Variants in FMNL3 observed in about 807,000 individuals in gnomAD.
FMNL3 encodes the protein formin-like protein 3.
FMNL3 carries 57 observed loss-of-function variants against 119.6 expected under a neutral mutation model. That is an observed-to-expected ratio of 0.48 (90% CI 0.39 to 0.59). The LOEUF (loss-of-function observed/expected upper bound fraction) is 0.59, where lower values mean the gene tolerates loss of function less well. FMNL3 is among the 20% of genes least tolerant of loss of function. The pLI is 0.00. For synonymous variants in FMNL3, 491 were observed against 507.3 expected (o/e 0.97, Z 0.43); for missense variants, 1,053 against 1,323.5 (o/e 0.80, Z 3.17).
In FMNL3 at chr12:49,656,957, C is replaced by T. The variant is rs1393278227; in HGVS notation, c.715-58G>A. ...GATGGTGGGGAAGGGGGAGCCCAGC[C>T]AATCTCCTTGACCGTAGGCCCACCA... is the stretch of plus-strand genomic sequence containing the variant. On this transcript the variant is annotated intron_variant, in intron 7 of 25. Coordinates refer to ENST00000335154, the MANE Select transcript of FMNL3 (RefSeq NM_175736.5). 2.1e-5 allele frequency: 32 copies of T among 1,545,292 alleles called. No individual in the cohort carries two copies. The East Asian group carries it at 6.7e-4, about 33-fold the overall frequency.
rs769095092 is a variant in FMNL3 at position 49,647,419 on chromosome 12, G to C, written c.2779-51C>G. On this transcript the variant is annotated intron_variant, in intron 23 of 25. Coordinates refer to ENST00000335154, the MANE Select transcript of FMNL3 (RefSeq NM_175736.5). The surrounding 1 kb of genome is among the most constrained non-coding windows in gnomAD (Gnocchi z 4.9). ...GGGGAGTGAGGCTCATAGGCTGTGA[G>C]GGGAGGGGCTGACACTGAGGTGGAG... 6.3e-7 allele frequency: 1 copy of C among 1,581,812 alleles called. No individual in the cohort carries two copies. The highest frequency in any genetic ancestry group is 1.1e-5 in the South Asian group (1 of 90,630).
At position 49,691,387 on chromosome 12, in the gene FMNL3, T is replaced by G. The variant is rs141860043; in HGVS notation, c.126+15668A>C. Among the ~76,000 whole-genome samples, 239 of 152,286 alleles carry G rather than the reference T, an allele frequency of 1.6e-3. 4 individuals are homozygous for G. In the East Asian group the frequency reaches 0.037, roughly 23 times the overall value. On this transcript the variant is annotated intron_variant, in intron 1 of 25. Coordinates refer to ENST00000335154, the MANE Select transcript of FMNL3 (RefSeq NM_175736.5). The stretch of plus-strand genomic sequence containing the variant: ...CCGACTTGACTTTGAGAAGCTGAGA[T>G]GCAGCACAGCCTAGAGCTCAGGTTT...
Position 49,644,053 on chromosome 12 carries a change from C to A in FMNL3, c.*1762G>T. 1 of 1,614,154 alleles carries A rather than the reference C, an allele frequency of 6.2e-7. No individual in the cohort carries two copies. The highest frequency in any genetic ancestry group is 8.5e-7 in the Non-Finnish European group (1 of 1,179,994). On this transcript the variant is annotated 3_prime_UTR_variant, in exon 26 of 26. Transcript: ENST00000335154. ...AGTCAGCACGCTGGTCAAGCTTCCA[C>A]GGCCCTTAGTGCAGGCTAAGGGTGA...
chr12:49,648,207 C>A lies in FMNL3; in HGVS notation c.2662G>T (p.Ala888Ser). The A allele has an allele frequency of 6.2e-7, 1 of 1,612,864 alleles. No homozygotes were observed. Among genetic ancestry groups the A allele is most frequent in the Non-Finnish European group, 8.5e-7 (1 of 1,179,378 alleles). The change falls in exon 22 of 26, where the codon GCC becomes TCC. Residue 888 changes from alanine (A) to serine (S), a missense_variant. Around this residue, in one of 4 missense-constraint regions of FMNL3, gnomAD observed 324 missense variants for 380.9 expected, o/e 0.85. Coordinates refer to ENST00000335154, the MANE Select transcript of FMNL3 (RefSeq NM_175736.5). ...CCCGTGCTTGCCTCAGCCGTCTTGG[C>A]GTCCCGCTGGAGCTTGTCTAGTTTG... Reference protein sequence around the residue: ...EGKLDKLQRDAKTAEEAYNAV... With the variant: ...EGKLDKLQRDSKTAEEAYNAV...
Position 49,641,643 on chromosome 12 carries a change from T to C in FMNL3, c.*4172A>G, listed in dbSNP as rs1942667380. The C allele has an allele frequency of 2.2e-6, 1 of 456,212 alleles. No homozygotes were observed. Among genetic ancestry groups the C allele is most frequent in the South Asian group, 3.6e-5 (1 of 27,980 alleles). The allele number at this position is 456,212 out of a possible 1,614,324, so 28.3% of individuals were successfully genotyped here. On this transcript the variant is annotated 3_prime_UTR_variant, in exon 26 of 26. Transcript: ENST00000335154. Reference sequence around the variant, plus strand: ...TAAGCCAAAGGAACAAAAGTTAATTTTGAGAAACTCAGCATTAATCAGCAG... The same window carrying C: ...TAAGCCAAAGGAACAAAAGTTAATTCTGAGAAACTCAGCATTAATCAGCAG...
At position 49,653,725 on chromosome 12, in the gene FMNL3, A is replaced by G. The variant is rs542023897; in HGVS notation, c.1221T>C (p.His407=). 5.2e-5 allele frequency: 84 copies of G among 1,614,032 alleles called. 1 individual carries two copies. The South Asian group carries it at 7.9e-4, about 15-fold the overall frequency. Residue 407 remains histidine, a splice_region_variant and synonymous_variant, in exon 12 of 26, where the codon CAT becomes CAC. Transcript: ENST00000335154. Reference sequence around the variant, plus strand: ...TGGCAGGCAAAGGAAGACCACCTACATGGGACACATGCTCCTCCAACTCCT... The same window carrying G: ...TGGCAGGCAAAGGAAGACCACCTACGTGGGACACATGCTCCTCCAACTCCT... The part of the protein sequence containing the change: ...KVEELEEHVS[H]LTEKLLDLEN...
chr12:49,697,644 T>C (rs1714674113), intron 1 of FMNL3, among the ~76,000 whole-genome samples: 1 of 152,204 alleles, frequency 6.6e-6, no homozygotes, highest in South Asian at 2.1e-4. Context: ...TGAAAGCTAC[T>C]TTAAATTATG....
rs534458896 is a variant in FMNL3, at chr12:49,641,154, G to A, written c.*4661C>T. 1 of 152,368 alleles carries A rather than the reference G, an allele frequency of 6.6e-6. No individual in the cohort carries two copies. The highest frequency in any genetic ancestry group is 1.9e-4 in the East Asian group (1 of 5,192). 9.4% of individuals were successfully genotyped at this position (152,368 alleles called of 1,614,324 possible). On this transcript the variant is annotated 3_prime_UTR_variant, in exon 26 of 26. Transcript: ENST00000335154. ...ACTGAGATCACTTTTCTAAGCCTCT[G>A]CTTCACTGGAATGTTGTGAGGCCTA... is the stretch of plus-strand genomic sequence containing the variant.
intron 17 of FMNL3, among the ~76,000 whole-genome samples, chr12:49,650,354 T>C (rs1039070183): frequency 6.6e-5 from 10 of 152,326 alleles, no homozygotes; most frequent in African/African-American, 2.4e-4. Flanking sequence ...TTACCTCCTC[T>C]GGGAAGGCTT....
chr12:49,664,738 T>C (rs1943839554), intron 4 of FMNL3, among the ~76,000 whole-genome samples: 1 of 152,204 alleles, frequency 6.6e-6, no homozygotes, highest in Non-Finnish European at 1.5e-5. Context: ...ATCCCTTTCC[T>C]GTTCTCTCCT....
At chr12:49,694,868 C>G (rs1030283505) in intron 1 of FMNL3, among the ~76,000 whole-genome samples, 2 of 151,928 alleles carry the variant, frequency 1.3e-5, no homozygotes, top group African/African-American at 4.8e-5. Context: ...GCCGAGATTG[C>G]GCCACTGCAC....
intron 12 of FMNL3, 114 bp downstream of exon 12, chr12:49,653,611 G>T: frequency 6.9e-7 from 1 of 1,446,070 alleles, no homozygotes; most frequent in Non-Finnish European, 9.4e-7. Flanking sequence ...GAGCCCTGGT[G>T]GGTTCTAAAG....
chr12:49,656,801 AAAGGGGAGGG>A lies in FMNL3; in HGVS notation c.791+12_791+21del. ...CAGAGCCCTGGACAGAGTGGGGAGG[AAAGGGGAGGG>A]AAGGAACTCACCTTGGATTCTTGTT... On this transcript the variant is annotated intron_variant, in intron 8 of 25. Transcript: ENST00000335154. 1 of 1,598,602 alleles carries A rather than the reference AAAGGGGAGGG, an allele frequency of 6.3e-7. No homozygotes were observed. The highest frequency in any genetic ancestry group is 2.2e-5 in the East Asian group (1 of 44,788).
In FMNL3 at chr12:49,648,257, C is replaced by T. The variant is rs745353415; in HGVS notation, c.2612G>A (p.Arg871Gln). 4.3e-5 allele frequency: 70 copies of T among 1,614,020 alleles called. No individual in the cohort carries two copies. The highest frequency in any genetic ancestry group is 5.3e-5 in the Non-Finnish European group (63 of 1,179,976). ...GCCTTCATTGGTACTGAGGAAGTTC[C>T]GGAGGACGCTGTTGTCATGGATGCT... ...ECSIHDNSVL[R>Q]NFLSTNEGKL... Residue 871 changes from arginine to glutamine, a missense_variant, in exon 22 of 26, where the codon CGG (arginine) becomes CAG (glutamine). By Grantham distance (43) the Arg-to-Gln change is conservative. Around this residue, in one of 4 missense-constraint regions of FMNL3, gnomAD observed 324 missense variants for 380.9 expected, o/e 0.85. Transcript: ENST00000335154.
Position 49,637,924 on chromosome 12 carries a change from C to A in FMNL3, c.*7891G>T. 2 of 941,426 alleles carry A rather than the reference C, an allele frequency of 2.1e-6. No individual in the cohort carries two copies. The highest frequency in any genetic ancestry group is 3.3e-6 in the Non-Finnish European group (2 of 597,994). The allele number at this position is 941,426 out of a possible 1,614,324, so 58.3% of individuals were successfully genotyped here. A position where few individuals can be genotyped will look rare whatever the true frequency, so the allele number is the denominator to read the frequency against. ...GTCCTGTTTTGCAGAAGCATTACAG[C>A]TTGGTTCAGCAGATATCTACTGTGA... On this transcript the variant is annotated 3_prime_UTR_variant, in exon 26 of 26. Transcript: ENST00000335154.
In FMNL3 at chr12:49,654,293, T is replaced by C; in HGVS notation, c.970A>G (p.Met324Val). 2 of 1,613,554 alleles carry C rather than the reference T, an allele frequency of 1.2e-6. No homozygotes were observed. The highest frequency in any genetic ancestry group is 2.2e-5 in the East Asian group (1 of 44,866). The change falls in exon 11 of 26, where the codon ATG becomes GTG. Residue 324 changes from methionine (M) to valine (V), a missense_variant. Met to Val is a conservative substitution (Grantham distance 21). This residue lies in a region of FMNL3 where 445 missense variants were observed against 628.4 expected (regional missense o/e 0.71). Coordinates refer to ENST00000335154, the MANE Select transcript of FMNL3 (RefSeq NM_175736.5). ...DSNIDFMVAC[M>V]QFINIVVHSV... ...TGCACCACGATGTTGATGAACTGCA[T>C]GCAGGCCACCTGAAGAAGAGGAGGC...
chr12:49,665,340 T>C lies in FMNL3; in HGVS notation c.368+492A>G, dbSNP rs551845451. Among the ~76,000 whole-genome samples, 5 of 152,282 alleles carry C rather than the reference T, an allele frequency of 3.3e-5. No homozygotes were observed. The East Asian group carries it at 9.6e-4, about 29-fold the overall frequency. ...GCTCCTGCCCCCAGTGCCTTACATCTTTCCTGGTGCTTAAGGAAGCTTCTG... is the reference window on the plus strand; with the variant it reads ...GCTCCTGCCCCCAGTGCCTTACATCCTTCCTGGTGCTTAAGGAAGCTTCTG... On this transcript the variant is annotated intron_variant, in intron 4 of 25. Transcript: ENST00000335154.
rs770981769 is a variant in FMNL3, at chr12:49,661,970, C to T, written c.448G>A (p.Val150Ile). The T allele has an allele frequency of 7.4e-6, 12 of 1,614,050 alleles. No homozygotes were observed. Among genetic ancestry groups the T allele is most frequent in the Middle Eastern group, 1.6e-4 (1 of 6,084 alleles). ...CAGCCCCGGGGTGGTACTCACATGACAGAACACTGGGCAAAGGACAGGTAA... is the reference window on the plus strand; with the variant it reads ...CAGCCCCGGGGTGGTACTCACATGATAGAACACTGGGCAAAGGACAGGTAA... ...VDYLSFAQCS[V>I]MFDFEGLESG... Residue 150 changes from valine (V) to isoleucine (I), a missense_variant, in exon 5 of 26, where the codon GTC becomes ATC. Around this residue, in one of 4 missense-constraint regions of FMNL3, gnomAD observed 264 missense variants for 265.5 expected, o/e 0.99. Transcript: ENST00000335154.
At chr12:49,705,335 A>G (rs922216852) in intron 1 of FMNL3, among the ~76,000 whole-genome samples, 2 of 152,186 alleles carry the variant, frequency 1.3e-5, no homozygotes, top group African/African-American at 4.8e-5. Context: ...CTAGGACATC[A>G]CGTGCATTTT....
Sources: allele counts gnomAD v4.1 joint callset (sites outside exome capture counted in the v4.1 genomes callset), GRCh38; gene constraint gnomAD v4.1.1; regional missense constraint gnomAD v4.1.1; non-coding constraint Gnocchi (gnomAD v3.1); transcripts MANE v1.5; gene names NCBI Gene and HGNC (gene_info 2026-07-23, HGNC 2026-07-21).